SLC25A26: variants seen among roughly 807,000 people sequenced by gnomAD.
SLC25A26 encodes solute carrier family 25 member 26, also known as mitochondrial S-adenosylmethionine carrier protein.
SLC25A26 carries 36 observed loss-of-function variants against 37.8 expected under a neutral mutation model. The ratio of observed to expected loss-of-function variants is 0.95; its 90% CI spans 0.73 to 1.26. SLC25A26 has a LOEUF of 1.26. SLC25A26 is among the 50% of genes most tolerant of loss of function. The probability of loss-of-function intolerance (pLI) is 0.00; values close to 1 mark genes in which losing one functional copy is unlikely to be tolerated. For synonymous variants in SLC25A26, 129 were observed against 122.5 expected, an observed-to-expected ratio of 1.05 and a Z score of -0.35; for missense variants, 390 against 331.1, an observed-to-expected ratio of 1.18 and a Z score of -1.38.
At chr3:66,184,601 T>G (rs939419805) in intron 1 of SLC25A26, among the ~76,000 whole-genome samples, 1 of 152,284 alleles carries the variant, frequency 6.6e-6, no homozygotes, top group African/African-American at 2.4e-5. Context: ...ACCTTGAGTT[T>G]ACTATGTATT....
chr3:66,364,626 G>A (rs750224814), intron 7 of SLC25A26, among the ~76,000 whole-genome samples: 1 of 152,172 alleles, frequency 6.6e-6, no homozygotes, highest in Non-Finnish European at 1.5e-5. Flanking sequence ...CAGGGCTTGA[G>A]ATAATGTATG....
chr3:66,247,077 G>T (rs2072880568), intron 3 of SLC25A26, among the ~76,000 whole-genome samples: 1 of 151,778 alleles, frequency 6.6e-6, no homozygotes, highest in Admixed American at 6.6e-5. Flanking sequence ...TGTTAGCCAG[G>T]ATGGTCTTGA....
At chr3:66,373,751 T>C (rs530550673) in intron 9 of SLC25A26, among the ~76,000 whole-genome samples, 4 of 152,058 alleles carry the variant, frequency 2.6e-5, no homozygotes, top group Non-Finnish European at 4.4e-5. Flanking sequence ...CAAGTAATCG[T>C]GGTCCTTAAT....
intron 1 of SLC25A26, among the ~76,000 whole-genome samples, chr3:66,135,433 A>G (rs2069932121): frequency 6.6e-6 from 1 of 152,184 alleles, no homozygotes; most frequent in Admixed American, 6.5e-5. Flanking sequence ...GTATTACAGA[A>G]TCATTAATGT....
chr3:66,273,392 T>C (rs1051749913), intron 5 of SLC25A26, among the ~76,000 whole-genome samples: 2 of 152,150 alleles, frequency 1.3e-5, no homozygotes, highest in African/African-American at 4.8e-5. Flanking sequence ...GTACCTCTGG[T>C]AGAATTCGGC....
At chr3:66,235,219 G>A (rs996340519) in intron 1 of SLC25A26, among the ~76,000 whole-genome samples, 2 of 152,030 alleles carry the variant, frequency 1.3e-5, no homozygotes, top group African/African-American at 4.8e-5. Flanking sequence ...GATGCTCTTC[G>A]TGTTCATATT....
intron 1 of SLC25A26, among the ~76,000 whole-genome samples, chr3:66,153,501 C>T (rs1485404285): frequency 6.6e-6 from 1 of 152,218 alleles, no homozygotes; most frequent in African/African-American, 2.4e-5. Flanking sequence ...GGGGTCCAGT[C>T]ATCTAGATGT....
chr3:66,223,792 T>A (rs1576655405), intron 1 of SLC25A26, among the ~76,000 whole-genome samples: 1 of 152,320 alleles, frequency 6.6e-6, no homozygotes, highest in Non-Finnish European at 1.5e-5. Context: ...GCCTCTGGGA[T>A]GTTAGTTATC....
chr3:66,288,707 T>G lies in SLC25A26; in HGVS notation c.453+25328T>G, dbSNP rs1289427600. Among the ~76,000 whole-genome samples, 4 of 152,242 alleles carry G rather than the reference T, an allele frequency of 2.6e-5. No homozygotes were observed. The South Asian group carries it at 8.3e-4, about 32-fold the overall frequency. On this transcript the variant is annotated intron_variant, in intron 5 of 9. Transcript: ENST00000354883. ...TTCAATGATGTATATGTGCCACATT[T>G]TCTTTATCCAGTCTATCATTGATGG... is the stretch of plus-strand genomic sequence containing the variant.
intron 9 of SLC25A26, among the ~76,000 whole-genome samples, chr3:66,374,131 CTCTT>C (rs1417770593): frequency 5.3e-5 from 8 of 152,248 alleles, no homozygotes; most frequent in African/African-American, 1.9e-4. Flanking sequence ...CCTTCATTAA[CTCTT>C]TCTGCTTACA....
chr3:66,224,218 T>A (rs972550660), intron 1 of SLC25A26, among the ~76,000 whole-genome samples: 1 of 152,166 alleles, frequency 6.6e-6, no homozygotes, highest in Non-Finnish European at 1.5e-5. Flanking sequence ...GTATTTTTGG[T>A]GGTAGGATTA....
chr3:66,375,435 A>AGAG (rs1459397267), intron 9 of SLC25A26, among the ~76,000 whole-genome samples: 1 of 152,230 alleles, frequency 6.6e-6, no homozygotes, highest in East Asian at 1.9e-4. Context: ...TCCTAGCTAG[A>AGAG]GAGGAGACAT....
At chr3:66,174,766 A>G (rs1480735313) in intron 1 of SLC25A26, among the ~76,000 whole-genome samples, 4 of 151,746 alleles carry the variant, frequency 2.6e-5, no homozygotes, top group East Asian at 3.9e-4. Flanking sequence ...AGCCTGGGCT[A>G]CAAAGCAAGA....
At chr3:66,289,105 G>C (rs56339001) in intron 5 of SLC25A26, among the ~76,000 whole-genome samples, 3 of 152,038 alleles carry the variant, frequency 2.0e-5, no homozygotes, top group Non-Finnish European at 2.9e-5. Context: ...TCATATGTTT[G>C]TTGGCCACAT....
intron 1 of SLC25A26, among the ~76,000 whole-genome samples, chr3:66,148,368 C>T (rs2106684523): frequency 6.6e-6 from 1 of 152,216 alleles, no homozygotes; most frequent in South Asian, 2.1e-4. Context: ...TGTTACCACC[C>T]GTAGACACAA....
At chr3:66,281,195 C>T (rs1022467118) in intron 5 of SLC25A26, among the ~76,000 whole-genome samples, 1 of 152,036 alleles carries the variant, frequency 6.6e-6, no homozygotes, top group African/African-American at 2.4e-5. Context: ...ATATGAATAC[C>T]TAAGTATTTT....
rs1553656263 is a variant in SLC25A26 at position 66,209,898 on chromosome 3, T to TTTTATA, written c.-353-10843_-353-10842insTTATAT. 6.7e-4 allele frequency among the ~76,000 whole-genome samples: 26 copies of TTTTATA among 38,614 alleles called. 1 individual carries two copies. The highest frequency in any genetic ancestry group is 2.4e-3 in the South Asian group (2 of 830). 25.3% of individuals were successfully genotyped at this position (38,614 alleles called of 152,430 possible). A position where few individuals can be genotyped will look rare whatever the true frequency, so the allele number is the denominator to read the frequency against. ...TATACTCCTCTCTCTCTCTCTCTAT[T>TTTTATA]TATATATATATATATATATATATAT... On this transcript the variant is annotated intron_variant, in intron 1 of 10. Transcript: ENST00000676754.
At chr3:66,356,154 T>C (rs2076570760) in intron 6 of SLC25A26, 3 of 447,770 alleles carry the variant, frequency 6.7e-6, no homozygotes, top group Non-Finnish European at 1.3e-5. Context: ...TAGTGCTTAT[T>C]TGGGTGGGTC....
chr3:66,236,529 C>CT lies in SLC25A26; in HGVS notation c.34-6dup, dbSNP rs782197533. 6.5e-4 allele frequency: 894 copies of CT among 1,373,302 alleles called. No homozygotes were observed. Among genetic ancestry groups the CT allele is most frequent in the South Asian group, 2.2e-3 (139 of 62,174 alleles). 85.1% of individuals were successfully genotyped at this position (1,373,302 alleles called of 1,614,324 possible). A position where few individuals can be genotyped will look rare whatever the true frequency, so the allele number is the denominator to read the frequency against. ...CCTTTTTTTTTTCTTTTTCTTCCCTCTTTTTTTTTCAAAGGCTGGTGGGGT... is the reference window on the plus strand; with the variant it reads ...CCTTTTTTTTTTCTTTTTCTTCCCTCTTTTTTTTTTCAAAGGCTGGTGGGGT... On this transcript the variant is annotated splice_polypyrimidine_tract_variant and intron_variant, in intron 1 of 9. Transcript: ENST00000354883.
Sources: allele counts gnomAD v4.1 joint callset (sites outside exome capture counted in the v4.1 genomes callset), GRCh38; gene constraint gnomAD v4.1.1; transcripts MANE v1.5; gene names NCBI Gene and HGNC (gene_info 2026-07-23, HGNC 2026-07-21).